AKAP8L: variants seen among roughly 807,000 people sequenced by gnomAD.
AKAP8L encodes the protein A-kinase anchoring protein 8 like, also known as A-kinase anchor protein 8-like.
Under a neutral mutation model 77.5 loss-of-function variants are expected in AKAP8L, and 34 were observed. The observed-to-expected ratio is 0.44, with a 90% CI of 0.33 to 0.58. The LOEUF is 0.58. AKAP8L is among the 20% of genes least tolerant of loss of function. AKAP8L has a pLI of 0.02. For missense variants in AKAP8L, 806 were observed against 887.6 expected (o/e 0.91, Z 1.17); for synonymous variants, 342 against 340.7 (o/e 1.00, Z -0.04).
At position 15,418,956 on chromosome 19, in the gene AKAP8L, G is replaced by T; in HGVS notation, c.-33C>A. 1 of 1,604,022 alleles carries T rather than the reference G, an allele frequency of 6.2e-7. No individual in the cohort carries two copies. Among genetic ancestry groups the T allele is most frequent in the Non-Finnish European group, 8.5e-7 (1 of 1,179,430 alleles). On this transcript the variant is annotated 5_prime_UTR_variant, in exon 1 of 14. Transcript: ENST00000397410. ...GGCAACACAACATCCGACGACGCCG[G>T]CTTCTGCTGCTCTGAACATCCGACG...
intron 2 of AKAP8L, among the ~76,000 whole-genome samples, chr19:15,410,011 C>T (rs957776892): frequency 2.0e-5 from 3 of 151,892 alleles, no homozygotes; most frequent in Non-Finnish European, 4.4e-5. Context: ...GGCATGATAT[C>T]GGCTCACTGT....
rs374239726 is a variant in AKAP8L at position 15,403,498 on chromosome 19, G to A, written c.339C>T (p.Gly113=). Residue 113 remains glycine, a synonymous_variant, in exon 4 of 14, where the codon GGC becomes GGT. Transcript: ENST00000397410. The surrounding 1 kb of genome is among the most constrained non-coding windows in gnomAD (Gnocchi z 4.3). ...PHLETDMMQG[G]VYGSGGERYD... ...ACCTTTCTCCACCTGAGCCGTACACGCCTCCTTGCATCATGTCTGTCTCCA... is the reference window on the plus strand; with the variant it reads ...ACCTTTCTCCACCTGAGCCGTACACACCTCCTTGCATCATGTCTGTCTCCA... The A allele has an allele frequency of 9.9e-6, 16 of 1,613,820 alleles. No individual in the cohort carries two copies. The highest frequency in any genetic ancestry group is 5.3e-5 in the African/African-American group (4 of 74,902).
At position 15,400,276 on chromosome 19, in the gene AKAP8L, G is replaced by T; in HGVS notation, c.1048+19C>A. ...CCTGGAAGAGCCGCCCTAGCACCAG[G>T]CACCCCAGGAAAACTCACCCTTCTC... is the stretch of plus-strand genomic sequence containing the variant. On this transcript the variant is annotated intron_variant, in intron 8 of 13. Coordinates refer to ENST00000397410, the MANE Select transcript of AKAP8L (RefSeq NM_014371.4). 6.2e-7 allele frequency: 1 copy of T among 1,613,460 alleles called. No individual in the cohort carries two copies. Among genetic ancestry groups the T allele is most frequent in the Non-Finnish European group, 8.5e-7 (1 of 1,179,482 alleles).
intron 1 of AKAP8L, among the ~76,000 whole-genome samples, chr19:15,416,909 C>T (rs1208424897): frequency 6.6e-6 from 1 of 152,178 alleles, no homozygotes; most frequent in African/African-American, 2.4e-5. Context: ...CTAGGACTTA[C>T]CCTTAAAGCT....
chr19:15,381,662 A>G (rs1462478635), intron 12 of AKAP8L, among the ~76,000 whole-genome samples: 1 of 152,042 alleles, frequency 6.6e-6, no homozygotes, highest in Non-Finnish European at 1.5e-5. Context: ...ACTGGAGGAA[A>G]ATATTAACAG....
chr19:15,411,111 G>A (rs1968098270), intron 1 of AKAP8L, among the ~76,000 whole-genome samples: 3 of 152,088 alleles, frequency 2.0e-5, no homozygotes, highest in African/African-American at 7.2e-5. Context: ...ACAGAGCCTG[G>A]CCCCAAATAA....
intron 12 of AKAP8L, among the ~76,000 whole-genome samples, chr19:15,396,337 A>C (rs374945253): frequency 2.9e-4 from 44 of 151,890 alleles, no homozygotes; most frequent in African/African-American, 1.0e-3. Flanking sequence ...CTCTGCCCAT[A>C]CACAGCCCCT....
rs1967856716 is a variant in AKAP8L, at chr19:15,399,938, G to T, written c.1048+357C>A. The stretch of plus-strand genomic sequence containing the variant: ...CCAGAGCCGTAAAAACTGCACCGAG[G>T]GTCCCAGATCGGACACCAGCCACTG... On this transcript the variant is annotated intron_variant, in intron 8 of 13. Coordinates refer to ENST00000397410, the MANE Select transcript of AKAP8L (RefSeq NM_014371.4). This position sits in a 1 kb window ranked among gnomAD's most constrained non-coding sequence, Gnocchi z 6.1. 2 of 390,076 alleles carry T rather than the reference G, an allele frequency of 5.1e-6. No individual in the cohort carries two copies. Among genetic ancestry groups the T allele is most frequent in the Non-Finnish European group, 9.4e-6 (2 of 213,212 alleles). The allele number at this position is 390,076 out of a possible 1,614,324, so 24.2% of individuals were successfully genotyped here. A position where few individuals can be genotyped will look rare whatever the true frequency, so the allele number is the denominator to read the frequency against.
chr19:15,387,804 C>CAA (rs1967570984), intron 12 of AKAP8L, among the ~76,000 whole-genome samples: 1 of 152,090 alleles, frequency 6.6e-6, no homozygotes, highest in Non-Finnish European at 1.5e-5. Context: ...ACTAACAATA[C>CAA]AAAAATTAGC....
intron 2 of AKAP8L, among the ~76,000 whole-genome samples, chr19:15,409,818 G>A (rs2145146408): frequency 6.6e-6 from 1 of 152,296 alleles, no homozygotes; most frequent in East Asian, 1.9e-4. Context: ...GGAGCCTGCT[G>A]GCTTGAGGTG....
chr19:15,401,083 C>T lies in AKAP8L; in HGVS notation c.817-40G>A, dbSNP rs769146016. On this transcript the variant is annotated intron_variant, in intron 5 of 13. Transcript: ENST00000397410. This position sits in a 1 kb window ranked among gnomAD's most constrained non-coding sequence, Gnocchi z 6.2. ...GGGGAAGCCGTGTCAGGGTGCATGG[C>T]ACCCGGCCCTTAGCTCCGCCCCAGT... 21 of 1,608,592 alleles carry T rather than the reference C, an allele frequency of 1.3e-5. No individual in the cohort carries two copies. The highest frequency in any genetic ancestry group is 5.0e-5 in the Admixed American group (3 of 60,004).
intron 1 of AKAP8L, among the ~76,000 whole-genome samples, chr19:15,411,139 A>T (rs540928658): frequency 1.7e-4 from 26 of 152,294 alleles, no homozygotes; most frequent in African/African-American, 5.3e-4. Context: ...TAAACATTTA[A>T]GCCAGTAGCC....
At chr19:15,400,686 T>G (rs147772481) in intron 7 of AKAP8L, 108 bp downstream of exon 7, 1 of 1,323,726 alleles carries the variant, frequency 7.6e-7, no homozygotes, top group African/African-American at 1.5e-5. Flanking sequence ...CTGGTCACCA[T>G]GCACGCAGAG....
At chr19:15,411,947 C>T (rs962987621) in intron 1 of AKAP8L, among the ~76,000 whole-genome samples, 4 of 152,056 alleles carry the variant, frequency 2.6e-5, no homozygotes, top group East Asian at 1.9e-4. Flanking sequence ...CAGTGGCTCA[C>T]GCCTGTAATC....
chr19:15,411,276 A>G lies in AKAP8L; in HGVS notation c.14-682T>C, dbSNP rs561848968. Among the ~76,000 whole-genome samples, 13 of 152,348 alleles carry G rather than the reference A, an allele frequency of 8.5e-5. No homozygotes were observed. The South Asian group carries it at 1.0e-3, about 12-fold the overall frequency. On this transcript the variant is annotated intron_variant, in intron 1 of 13. Transcript: ENST00000397410. ...TAGCTTCAAAACCATGTTAAAGCAA[A>G]TAATACCCCCCTCCCTGTTCTAAAT...
At chr19:15,392,602 A>G (rs1967685942) in intron 12 of AKAP8L, among the ~76,000 whole-genome samples, 1 of 151,970 alleles carries the variant, frequency 6.6e-6, no homozygotes, top group South Asian at 2.1e-4. Context: ...AATACTTATA[A>G]ATAATCTTAA....
chr19:15,412,269 G>A (rs1378544990), intron 1 of AKAP8L, among the ~76,000 whole-genome samples: 1 of 152,152 alleles, frequency 6.6e-6, no homozygotes, highest in African/African-American at 2.4e-5. Context: ...GTAATCCCAG[G>A]TTCTTGGGAG....
chr19:15,400,235 C>T, intron 8 of AKAP8L, 60 bp downstream of exon 8: 2 of 1,569,718 alleles, frequency 1.3e-6, no homozygotes, highest in East Asian at 2.2e-5. Flanking sequence ...CAGCTGGGTC[C>T]CTCCCACTGT....
chr19:15,409,815 G>A (rs1968073534), intron 2 of AKAP8L, among the ~76,000 whole-genome samples: 1 of 152,192 alleles, frequency 6.6e-6, no homozygotes, highest in South Asian at 2.1e-4. Flanking sequence ...TGTGGAGCCT[G>A]CTGGCTTGAG....
Sources: gnomAD v4.1 joint callset for allele counts (sites outside exome capture counted in the v4.1 genomes callset) on GRCh38, gnomAD v4.1.1 for gene constraint, Gnocchi (gnomAD v3.1) non-coding constraint, MANE v1.5 for transcripts, NCBI Gene and HGNC (gene_info 2026-07-23, HGNC 2026-07-21) for gene names.